The following DCBLD2 variants were observed in gnomAD, a reference collection of about 807,000 sequenced individuals.
DCBLD2 encodes discoidin, CUB and LCCL domain-containing protein 2.
A neutral mutation model predicts 86.8 loss-of-function variants in DCBLD2; 54 were observed. The observed-to-expected ratio is 0.62, with a 90% CI of 0.50 to 0.78. The LOEUF (loss-of-function observed/expected upper bound fraction) is 0.78. Ranked by LOEUF, DCBLD2 falls within the 30% of genes least tolerant of loss-of-function variation. The pLI, the probability that DCBLD2 is intolerant of heterozygous loss-of-function variation, is 0.00. For missense variants in DCBLD2, 908 were observed against 954.2 expected (o/e 0.95, Z 0.64); for synonymous variants, 354 against 341.3 (o/e 1.04, Z -0.41).
intron 3 of DCBLD2, among the ~76,000 whole-genome samples, chr3:98,838,488 T>C (rs1234120196): frequency 1.6e-4 from 23 of 143,830 alleles, no homozygotes; most frequent in African/African-American, 5.7e-4. Context: ...CTAGATGTGA[T>C]GGCAGCTGGG....
chr3:98,822,395 A>T, intron 5 of DCBLD2, 34 bp from the exon 6 acceptor site: 1 of 1,594,958 alleles, frequency 6.3e-7, no homozygotes, highest in Non-Finnish European at 8.5e-7. Context: ...TTCATTTTTA[A>T]TTTTCTCTTA....
chr3:98,844,062 A>ACACCCC (rs1459005169), intron 3 of DCBLD2, among the ~76,000 whole-genome samples: 1 of 144,120 alleles, frequency 6.9e-6, no homozygotes, highest in African/African-American at 2.6e-5. Flanking sequence ...ACACACACAC[A>ACACCCC]CCCCAATTAT....
At chr3:98,827,038 G>C (rs1234056470) in intron 3 of DCBLD2, among the ~76,000 whole-genome samples, 1 of 152,104 alleles carries the variant, frequency 6.6e-6, no homozygotes, top group East Asian at 1.9e-4. Context: ...TCTTGAACTA[G>C]AGCTTAATAA....
chr3:98,800,526 A>G, intron 15 of DCBLD2, 53 bp downstream of exon 15: 1 of 1,551,808 alleles, frequency 6.4e-7, no homozygotes, highest in South Asian at 1.2e-5. Flanking sequence ...CTTTATAGCA[A>G]GCCTAAGCAG....
chr3:98,863,167 A>C (rs991647873), intron 2 of DCBLD2, among the ~76,000 whole-genome samples: 4 of 152,188 alleles, frequency 2.6e-5, no homozygotes, highest in African/African-American at 9.7e-5. Context: ...CTTACAAGGG[A>C]TGTGAAGGAC....
At chr3:98,841,262 G>A (rs1942615183) in intron 3 of DCBLD2, among the ~76,000 whole-genome samples, 1 of 152,058 alleles carries the variant, frequency 6.6e-6, no homozygotes, top group South Asian at 2.1e-4. Flanking sequence ...AACAGCCTGA[G>A]GAACGTCAGG....
chr3:98,820,675 G>A lies in DCBLD2; in HGVS notation c.831-387C>T, dbSNP rs72934662. ...CTTTTCTGTGGCAAATGCTTTCGAT[G>A]AAAATACACTAAAAGGTCTAATTCT... is the stretch of plus-strand genomic sequence containing the variant. On this transcript the variant is annotated intron_variant, in intron 6 of 15. Coordinates refer to ENST00000326840, the MANE Select transcript of DCBLD2 (RefSeq NM_080927.4). The A allele has an allele frequency of 6.0e-3, 932 of 154,148 alleles. 8 individuals are homozygous for A. The highest frequency in any genetic ancestry group is 0.021 in the African/African-American group (877 of 41,562). The allele number at this position is 154,148 out of a possible 1,614,324, so 9.5% of individuals were successfully genotyped here.
intron 9 of DCBLD2, chr3:98,815,973 AC>A (rs1245676549): frequency 6.6e-5 from 10 of 150,566 alleles, no homozygotes; most frequent in Non-Finnish European, 1.0e-4. Flanking sequence ...AAAAAAAAGA[AC>A]TACAATTTTC....
At chr3:98,879,215 G>T (rs1336149835) in intron 2 of DCBLD2, among the ~76,000 whole-genome samples, 1 of 152,116 alleles carries the variant, frequency 6.6e-6, no homozygotes, top group Non-Finnish European at 1.5e-5. Context: ...ATGTGCCCTT[G>T]TTTCTCCTAT....
chr3:98,839,491 T>A (rs1308378861), intron 3 of DCBLD2, among the ~76,000 whole-genome samples: 2 of 152,194 alleles, frequency 1.3e-5, no homozygotes, highest in Non-Finnish European at 2.9e-5. Context: ...AATTATAACT[T>A]AATAAGACTG....
At chr3:98,859,332 C>T (rs761180583) in intron 2 of DCBLD2, among the ~76,000 whole-genome samples, 12 of 152,176 alleles carry the variant, frequency 7.9e-5, no homozygotes, top group Non-Finnish European at 1.8e-4. Flanking sequence ...CAGCAAAAAC[C>T]TCTACAGACT....
chr3:98,810,340 A>G (rs1941917469), intron 12 of DCBLD2, among the ~76,000 whole-genome samples: 1 of 152,242 alleles, frequency 6.6e-6, no homozygotes, highest in Non-Finnish European at 1.5e-5. Flanking sequence ...TCTTTGTGAA[A>G]ATACTTCAGA....
At chr3:98,851,883 T>C (rs988108071) in intron 2 of DCBLD2, among the ~76,000 whole-genome samples, 2 of 152,236 alleles carry the variant, frequency 1.3e-5, no homozygotes, top group African/African-American at 4.8e-5. Flanking sequence ...GCTAGCCATA[T>C]GCAGAAAACT....
At chr3:98,893,382 G>GA (rs555536800) in intron 1 of DCBLD2, among the ~76,000 whole-genome samples, 2,059 of 113,034 alleles carry the variant, frequency 0.018, 19 homozygotes, top group Admixed American at 0.027. Flanking sequence ...ACTGTAGTAA[G>GA]AAAAAAAAAA....
chr3:98,824,055 C>T (rs1483758667), intron 4 of DCBLD2, among the ~76,000 whole-genome samples: 1 of 151,980 alleles, frequency 6.6e-6, no homozygotes, highest in Non-Finnish European at 1.5e-5. Flanking sequence ...GAAGTGGGGA[C>T]GGCAGTGCAA....
intron 3 of DCBLD2, among the ~76,000 whole-genome samples, chr3:98,831,157 C>T (rs186096626): frequency 2.0e-3 from 306 of 151,412 alleles, no homozygotes; most frequent in Admixed American, 6.3e-3. Flanking sequence ...CTGCAACCTC[C>T]GCCTCCCGGG....
chr3:98,839,966 G>A (rs142923755), intron 3 of DCBLD2, among the ~76,000 whole-genome samples: 3 of 152,222 alleles, frequency 2.0e-5, no homozygotes, highest in South Asian at 2.1e-4. Context: ...AACAGGCAGC[G>A]GGAATCAAAG....
chr3:98,799,548 G>A lies in DCBLD2; in HGVS notation c.2152C>T (p.Leu718Phe). Residue 718 changes from leucine to phenylalanine, a missense_variant, in exon 16 of 16, where the codon CTT (leucine) becomes TTT (phenylalanine). Leu to Phe is a conservative substitution (Grantham distance 22). Transcript: ENST00000326840. ...GAGCAGCTGTCAGTCCTGGAGAGAAGTGTATTGTAAGTTCCCACTAGTGGG... is the reference window on the plus strand; with the variant it reads ...GAGCAGCTGTCAGTCCTGGAGAGAAATGTATTGTAAGTTCCCACTAGTGGG... ...PPPLVGTYNT[L>F]LSRTDSCSSA... 6.2e-7 allele frequency: 1 copy of A among 1,613,998 alleles called. No homozygotes were observed. The highest frequency in any genetic ancestry group is 8.5e-7 in the Non-Finnish European group (1 of 1,179,884).
At chr3:98,833,729 C>T (rs1942367949) in intron 3 of DCBLD2, among the ~76,000 whole-genome samples, 1 of 152,264 alleles carries the variant, frequency 6.6e-6, no homozygotes, top group Middle Eastern at 3.4e-3. Context: ...GGGTACTGTG[C>T]TTGGGGTTCA....
Sources: gnomAD v4.1 joint callset for allele counts (sites outside exome capture counted in the v4.1 genomes callset) on GRCh38, gnomAD v4.1.1 for gene constraint, MANE v1.5 for transcripts, NCBI Gene and HGNC (gene_info 2026-07-23, HGNC 2026-07-21) for gene names.